Variants in PTPRT observed in about 807,000 individuals in gnomAD.
The protein encoded by PTPRT is protein tyrosine phosphatase receptor type T.
A neutral mutation model predicts 176.8 loss-of-function variants in PTPRT; 56 were observed. That is an observed-to-expected ratio of 0.32 (90% CI 0.26 to 0.40). The LOEUF is 0.40. Among genes scored for constraint, PTPRT ranks in the 10% least tolerant of loss-of-function variants. The pLI is 1.00. For synonymous variants in PTPRT, 783 were observed against 739.0 expected, an observed-to-expected ratio of 1.06 and a Z score of -0.96; for missense variants, 1,540 against 1,908.2, an observed-to-expected ratio of 0.81 and a Z score of 3.60.
At chr20:42,448,930 T>C (rs1369407051) in intron 8 of PTPRT, among the ~76,000 whole-genome samples, 1 of 152,092 alleles carries the variant, frequency 6.6e-6, no homozygotes, top group Non-Finnish European at 1.5e-5. Context: ...TTGGGCCACA[T>C]TCAAAGCCAT....
chr20:43,054,055 T>C (rs1187178227), intron 1 of PTPRT, among the ~76,000 whole-genome samples: 1 of 151,998 alleles, frequency 6.6e-6, no homozygotes, highest in Non-Finnish European at 1.5e-5. Flanking sequence ...TTGAAAACAA[T>C]AGCAACAATA....
chr20:42,916,027 A>C (rs955062843), intron 1 of PTPRT, among the ~76,000 whole-genome samples: 2 of 152,012 alleles, frequency 1.3e-5, no homozygotes, highest in African/African-American at 2.4e-5. Flanking sequence ...GGTTAGTTAC[A>C]TATGTATACA....
At position 42,866,432 on chromosome 20, in the gene PTPRT, G is replaced by T. The variant is rs73907289; in HGVS notation, c.214+19375C>A. On this transcript the variant is annotated intron_variant, in intron 2 of 30. Transcript: ENST00000373187. ...TTCACCAAGTTTTCTTGAGCTCACC[G>T]ATACCTCCAACCCCCTTTTCCTCCT... Among the ~76,000 whole-genome samples, 731 of 152,158 alleles carry T rather than the reference G, an allele frequency of 4.8e-3. 5 individuals carry two copies. Among genetic ancestry groups the T allele is most frequent in the African/African-American group, 0.017 (699 of 41,528 alleles).
At chr20:42,139,613 G>A (rs1416129219) in intron 18 of PTPRT, among the ~76,000 whole-genome samples, 1 of 152,262 alleles carries the variant, frequency 6.6e-6, no homozygotes, top group Non-Finnish European at 1.5e-5. Flanking sequence ...GGATTTGCAG[G>A]CTGCCTGTGC....
chr20:43,104,692 G>A (rs1220252259), intron 1 of PTPRT, among the ~76,000 whole-genome samples: 1 of 152,214 alleles, frequency 6.6e-6, no homozygotes, highest in African/African-American at 2.4e-5. Flanking sequence ...CAGTTGCACA[G>A]TGTCAGTGAG....
At position 42,076,785 on chromosome 20, in the gene PTPRT, CAG is replaced by C; in HGVS notation, c.*4092_*4093del. 1 of 201,622 alleles carries C rather than the reference CAG, an allele frequency of 5.0e-6. No individual in the cohort carries two copies. Among genetic ancestry groups the C allele is most frequent in the Non-Finnish European group, 1.0e-5 (1 of 98,136 alleles). 12.5% of individuals were successfully genotyped at this position (201,622 alleles called of 1,614,324 possible). ...CATATTAAAACCAACAAGGCTAAAT[CAG>C]AAAGTGGAATGCAAATTTTGCATGA... On this transcript the variant is annotated 3_prime_UTR_variant, in exon 31 of 31. Transcript: ENST00000373187.
rs139308870 is a variant in PTPRT at position 42,550,826 on chromosome 20, A to G, written c.1154-78264T>C. ...AAGCATGATGCACTATGTATCTATC[A>G]TACACTTGGTTTTGAAAGCATTTCT... is the stretch of plus-strand genomic sequence containing the variant. On this transcript the variant is annotated intron_variant, in intron 7 of 30. Coordinates refer to ENST00000373187, the MANE Select transcript of PTPRT (RefSeq NM_007050.6). 5.8e-4 allele frequency among the ~76,000 whole-genome samples: 89 copies of G among 152,304 alleles called. 1 individual carries two copies. Among genetic ancestry groups the G allele is most frequent in the Non-Finnish European group, 2.2e-4 (15 of 68,020 alleles).
intron 17 of PTPRT, among the ~76,000 whole-genome samples, chr20:42,160,538 G>T (rs1989549454): frequency 7.1e-6 from 1 of 141,040 alleles, no homozygotes; most frequent in African/African-American, 2.6e-5. Flanking sequence ...GGTGGGGGTG[G>T]AGGAAGTTTT....
intron 1 of PTPRT, among the ~76,000 whole-genome samples, chr20:43,098,635 G>A (rs1361227337): frequency 2.0e-5 from 3 of 150,576 alleles, no homozygotes; most frequent in Non-Finnish European, 4.4e-5. Context: ...GATGGAATGT[G>A]TCCTTACCAG....
At chr20:42,087,924 G>C (rs1278229748) in intron 27 of PTPRT, among the ~76,000 whole-genome samples, 1 of 148,858 alleles carries the variant, frequency 6.7e-6, no homozygotes, top group Admixed American at 6.7e-5. Context: ...TGGATATCTT[G>C]TTTCTTGTAT....
intron 6 of PTPRT, among the ~76,000 whole-genome samples, chr20:42,680,284 T>TTA (rs1459212709): frequency 6.6e-6 from 1 of 152,232 alleles, no homozygotes; most frequent in Non-Finnish European, 1.5e-5. Context: ...ATTGCCTCTA[T>TTA]TATAGCCTGC....
intron 7 of PTPRT, among the ~76,000 whole-genome samples, chr20:42,535,913 C>T (rs546723307): frequency 6.6e-6 from 1 of 152,290 alleles, no homozygotes; most frequent in Admixed American, 6.5e-5. Context: ...CCAGAAGTCA[C>T]TTTCTCATCC....
chr20:43,171,355 G>A (rs58348116), intron 1 of PTPRT, among the ~76,000 whole-genome samples: 4,972 of 152,144 alleles, frequency 0.033, 295 homozygotes, highest in African/African-American at 0.11. Context: ...TAGGAATTGC[G>A]CTAGGCATGG....
intron 2 of PTPRT, among the ~76,000 whole-genome samples, chr20:42,849,291 G>A (rs1469329259): frequency 6.6e-6 from 1 of 152,184 alleles, no homozygotes; most frequent in African/African-American, 2.4e-5. Flanking sequence ...TCTCTTAAAT[G>A]ACAACCAGCC....
At chr20:42,565,403 C>A (rs566872022) in intron 7 of PTPRT, among the ~76,000 whole-genome samples, 1 of 152,278 alleles carries the variant, frequency 6.6e-6, no homozygotes. Flanking sequence ...TAAACAGACA[C>A]CAGCATCACA....
intron 9 of PTPRT, among the ~76,000 whole-genome samples, chr20:42,395,077 C>A (rs1386737111): frequency 6.6e-6 from 1 of 152,202 alleles, no homozygotes; most frequent in Admixed American, 6.5e-5. Flanking sequence ...TAACTCCTGT[C>A]TGCTAACCTC....
chr20:43,117,888 G>A lies in PTPRT; in HGVS notation c.88+71758C>T, dbSNP rs116389838. 3.3e-3 allele frequency among the ~76,000 whole-genome samples: 499 copies of A among 152,232 alleles called. 2 individuals are homozygous for A. The highest frequency in any genetic ancestry group is 0.01 in the African/African-American group (434 of 41,540). The stretch of plus-strand genomic sequence containing the variant: ...GATTGGTGTGTCAATCAAAGTGTAA[G>A]GCTTAAATCTTCTTGTTCCTTTTGT... On this transcript the variant is annotated intron_variant, in intron 1 of 30. Coordinates refer to ENST00000373187, the MANE Select transcript of PTPRT (RefSeq NM_007050.6).
chr20:43,127,582 C>G (rs1312109488), intron 1 of PTPRT, among the ~76,000 whole-genome samples: 1 of 152,138 alleles, frequency 6.6e-6, no homozygotes, highest in African/African-American at 2.4e-5. Context: ...CAGCCACAAA[C>G]ACCAGCCAGA....
chr20:42,897,202 A>T (rs208207), intron 1 of PTPRT, among the ~76,000 whole-genome samples: 5,378 of 152,288 alleles, frequency 0.035, 240 homozygotes, highest in African/African-American at 0.099. Context: ...TATAAAAAAA[A>T]GTTTTAAAGC....
Sources: gnomAD v4.1 joint callset for allele counts (sites outside exome capture counted in the v4.1 genomes callset) on GRCh38, gnomAD v4.1.1 for gene constraint, MANE v1.5 for transcripts, NCBI Gene and HGNC (gene_info 2026-07-23, HGNC 2026-07-21) for gene names.